The following KCNQ1 variants were observed in gnomAD, a reference collection of about 807,000 sequenced individuals.
KCNQ1 encodes potassium voltage-gated channel subfamily KQT member 1.
A neutral mutation model predicts 72.4 loss-of-function variants in KCNQ1; 49 were observed. The observed-to-expected ratio is 0.68, with a 90% confidence interval of 0.54 to 0.86. KCNQ1 has a LOEUF of 0.86. Ranked by LOEUF, KCNQ1 falls within the 40% of genes least tolerant of loss-of-function variation. The pLI, the probability that KCNQ1 is intolerant of heterozygous loss-of-function variation, is 0.00. For synonymous variants in KCNQ1, 450 were observed against 412.6 expected (o/e 1.09, Z -1.10); for missense variants, 790 against 945.1 (o/e 0.84, Z 2.15).
At position 2,516,273 on chromosome 11, in the gene KCNQ1, G is replaced by A. The variant is rs1290843847; in HGVS notation, c.387-11655G>A. 1.3e-5 allele frequency among the ~76,000 whole-genome samples: 2 copies of A among 152,090 alleles called. No homozygotes were observed. Among genetic ancestry groups the A allele is most frequent in the Non-Finnish European group, 2.9e-5 (2 of 68,030 alleles). On this transcript the variant is annotated intron_variant, in intron 1 of 15. Transcript: ENST00000155840. The surrounding 1 kb of genome is among the most constrained non-coding windows in gnomAD (Gnocchi z 7.0). ...CTCCTCTCCTGTGAACAAAGGATGG[G>A]TCCACTTCTCAGGCTTCTCATGAAG...
At chr11:2,618,917 A>T (rs1413253641) in intron 10 of KCNQ1, 1 of 398,194 alleles carries the variant, frequency 2.5e-6, no homozygotes, top group East Asian at 3.6e-5. Context: ...ATTTATTCCT[A>T]AGCAATTTTT....
chr11:2,660,485 T>C (rs1325360330), intron 10 of KCNQ1: 2 of 398,524 alleles, frequency 5.0e-6, no homozygotes, highest in Admixed American at 4.4e-5. Context: ...CTGGGGAAGC[T>C]ATCTATGCCT....
chr11:2,647,041 A>G lies in KCNQ1; in HGVS notation c.1394-14920A>G. The G allele has an allele frequency of 2.5e-6, 1 of 398,572 alleles. No individual in the cohort carries two copies. The highest frequency in any genetic ancestry group is 4.4e-6 in the Non-Finnish European group (1 of 226,044). 24.7% of individuals were successfully genotyped at this position (398,572 alleles called of 1,614,324 possible). The stretch of plus-strand genomic sequence containing the variant: ...TACTCTGCTGAATAAGAATAGTGAA[A>G]GTGGGCATCCTTGTCTTGTTCTAGT... On this transcript the variant is annotated intron_variant, in intron 10 of 15. Transcript: ENST00000155840. The surrounding 1 kb of genome is among the most constrained non-coding windows in gnomAD (Gnocchi z 4.0).
In KCNQ1 at chr11:2,480,213, T is replaced by C. The variant is rs1416181199; in HGVS notation, c.386+34729T>C. Among the ~76,000 whole-genome samples the C allele has an allele frequency of 9.2e-5, 14 of 152,212 alleles. 1 individual carries two copies. Reference sequence around the variant, plus strand: ...CTCTGCCTCTTACCCAGTTCCAAAGTTGCTTCCACATTTTTGGGTATCTTT... The same window carrying C: ...CTCTGCCTCTTACCCAGTTCCAAAGCTGCTTCCACATTTTTGGGTATCTTT... On this transcript the variant is annotated intron_variant, in intron 1 of 15. Coordinates refer to ENST00000155840, the MANE Select transcript of KCNQ1 (RefSeq NM_000218.3).
chr11:2,761,685 C>T (rs2133974325), intron 11 of KCNQ1, among the ~76,000 whole-genome samples: 1 of 152,296 alleles, frequency 6.6e-6, no homozygotes, highest in Middle Eastern at 3.4e-3. Context: ...CAAGCCGGGC[C>T]CTTCTCTCTG....
rs1020092648 is a variant in KCNQ1, at chr11:2,445,570, C to G, written c.386+86C>G. Reference sequence around the variant, plus strand: ...AGCTCTGTCCCAGCGCCACCTGCCCCGTCGGAGCTGCGACCCCGGAGCAGA... The same window carrying G: ...AGCTCTGTCCCAGCGCCACCTGCCCGGTCGGAGCTGCGACCCCGGAGCAGA... On this transcript the variant is annotated intron_variant, in intron 1 of 15. Transcript: ENST00000155840. 3.9e-5 allele frequency: 57 copies of G among 1,477,076 alleles called. No homozygotes were observed. The African/African-American group carries it at 6.9e-4, about 18-fold the overall frequency. The allele number at this position is 1,477,076 out of a possible 1,614,324, so 91.5% of individuals were successfully genotyped here. A position where few individuals can be genotyped will look rare whatever the true frequency, so the allele number is the denominator to read the frequency against.
At chr11:2,648,716 C>T in intron 10 of KCNQ1, 2 of 398,462 alleles carry the variant, frequency 5.0e-6, no homozygotes, top group Non-Finnish European at 8.8e-6. Context: ...GGAGAATGTG[C>T]TGTGTGCTAA....
intron 1 of KCNQ1, among the ~76,000 whole-genome samples, chr11:2,523,661 G>C (rs755383754): frequency 6.6e-6 from 1 of 151,904 alleles, no homozygotes; most frequent in African/African-American, 2.4e-5. Context: ...GGTTATCTCA[G>C]CTTCCACATT....
chr11:2,631,893 C>A, intron 10 of KCNQ1: 1 of 397,856 alleles, frequency 2.5e-6, no homozygotes, highest in Non-Finnish European at 4.4e-6. Flanking sequence ...TATAGAAATG[C>A]AACTGAAAGC....
Position 2,713,919 on chromosome 11 carries a change from T to A in KCNQ1, c.1514+51838T>A, listed in dbSNP as rs1851047093. 6.6e-6 allele frequency among the ~76,000 whole-genome samples: 1 copy of A among 152,258 alleles called. No homozygotes were observed. The highest frequency in any genetic ancestry group is 2.1e-4 in the South Asian group (1 of 4,838). ...CACGATGGCCCAGCACGCCGCTCAC[T>A]GCCGCGCCTTTGTTCTCTGCTTCCT... is the stretch of plus-strand genomic sequence containing the variant. On this transcript the variant is annotated intron_variant, in intron 11 of 15. Coordinates refer to ENST00000155840, the MANE Select transcript of KCNQ1 (RefSeq NM_000218.3). This position sits in a 1 kb window ranked among gnomAD's most constrained non-coding sequence, Gnocchi z 5.6.
In KCNQ1 at chr11:2,824,535, G is replaced by A. The variant is rs983232253; in HGVS notation, c.1795-23232G>A. Among the ~76,000 whole-genome samples, 8 of 152,174 alleles carry A rather than the reference G, an allele frequency of 5.3e-5. No homozygotes were observed. The highest frequency in any genetic ancestry group is 5.2e-4 in the Admixed American group (8 of 15,284). On this transcript the variant is annotated intron_variant, in intron 15 of 15. Transcript: ENST00000155840. This position sits in a 1 kb window ranked among gnomAD's most constrained non-coding sequence, Gnocchi z 5.9. Reference sequence around the variant, plus strand: ...TTTGCCCGGCAGTTTAGGCTGCAAGGCTCAGCAGGGAGATTGGAGCTGAAA... The same window carrying A: ...TTTGCCCGGCAGTTTAGGCTGCAAGACTCAGCAGGGAGATTGGAGCTGAAA...
intron 11 of KCNQ1, among the ~76,000 whole-genome samples, chr11:2,722,615 G>T (rs774623836): frequency 6.6e-6 from 1 of 152,186 alleles, no homozygotes; most frequent in Non-Finnish European, 1.5e-5. Flanking sequence ...GGTCCTAGGG[G>T]AGCTGATGAG....
At chr11:2,445,562 A>C in intron 1 of KCNQ1, 78 bp downstream of exon 1, 1 of 1,511,802 alleles carries the variant, frequency 6.6e-7, no homozygotes, top group South Asian at 1.2e-5. Flanking sequence ...TCCCAGCGCC[A>C]CCTGCCCCGT....
rs908286631 is a variant in KCNQ1, at chr11:2,711,866, CAG to C, written c.1514+49788_1514+49789del. On this transcript the variant is annotated intron_variant, in intron 11 of 15. Coordinates refer to ENST00000155840, the MANE Select transcript of KCNQ1 (RefSeq NM_000218.3). The surrounding 1 kb of genome is among the most constrained non-coding windows in gnomAD (Gnocchi z 5.4). The stretch of plus-strand genomic sequence containing the variant: ...TGAGGAGGGTGCCTTTGAGGGGAGG[CAG>C]AGTTGGCTCACGGGAAAGGCTGGCC... 1.3e-5 allele frequency among the ~76,000 whole-genome samples: 2 copies of C among 152,104 alleles called. No homozygotes were observed. Among genetic ancestry groups the C allele is most frequent in the African/African-American group, 4.8e-5 (2 of 41,430 alleles).
intron 7 of KCNQ1, among the ~76,000 whole-genome samples, chr11:2,584,189 A>G (rs1848548847): frequency 1.3e-5 from 2 of 152,152 alleles, no homozygotes; most frequent in Admixed American, 6.5e-5. Flanking sequence ...GTGCACATGT[A>G]TGCATTATAC....
chr11:2,668,062 T>C lies in KCNQ1; in HGVS notation c.1514+5981T>C. The stretch of plus-strand genomic sequence containing the variant: ...TTGCCCACATTTGAACTTTATGCGG[T>C]GGGAATGATGCAACTCATACACCTT... On this transcript the variant is annotated intron_variant, in intron 11 of 15. Transcript: ENST00000155840. The surrounding 1 kb of genome is among the most constrained non-coding windows in gnomAD (Gnocchi z 4.3). The C allele has an allele frequency of 2.5e-6, 1 of 398,602 alleles. No individual in the cohort carries two copies. The highest frequency in any genetic ancestry group is 3.6e-5 in the East Asian group (1 of 28,070). The allele number at this position is 398,602 out of a possible 1,614,324, so 24.7% of individuals were successfully genotyped here. A position where few individuals can be genotyped will look rare whatever the true frequency, so the allele number is the denominator to read the frequency against.
intron 11 of KCNQ1, among the ~76,000 whole-genome samples, chr11:2,732,648 G>A (rs2133942325): frequency 6.6e-6 from 1 of 152,366 alleles, no homozygotes; most frequent in South Asian, 2.1e-4. Flanking sequence ...CCACGGGGCA[G>A]CAGTTGCGTG....
In KCNQ1 at chr11:2,711,835, T is replaced by G. The variant is rs1329300809; in HGVS notation, c.1514+49754T>G. On this transcript the variant is annotated intron_variant, in intron 11 of 15. Transcript: ENST00000155840. The surrounding 1 kb of genome is among the most constrained non-coding windows in gnomAD (Gnocchi z 5.4). ...GACTTAGGAGGGAGGGTCCTGGCAC[T>G]GCTTCTGAGGAGGGTGCCTTTGAGG... Among the ~76,000 whole-genome samples, 1 of 152,176 alleles carries G rather than the reference T, an allele frequency of 6.6e-6. No individual in the cohort carries two copies. Among genetic ancestry groups the G allele is most frequent in the African/African-American group, 2.4e-5 (1 of 41,460 alleles).
At chr11:2,843,014 GC>G (rs1478703081) in intron 15 of KCNQ1, among the ~76,000 whole-genome samples, 16 of 152,350 alleles carry the variant, frequency 1.1e-4, no homozygotes, top group African/African-American at 3.8e-4. Context: ...ACACACGCCT[GC>G]CTGCACGCTC....
Sources: allele counts gnomAD v4.1 joint callset (sites outside exome capture counted in the v4.1 genomes callset), GRCh38; gene constraint gnomAD v4.1.1; non-coding constraint Gnocchi (gnomAD v3.1); transcripts MANE v1.5; gene names NCBI Gene and HGNC (gene_info 2026-07-23, HGNC 2026-07-21).